Variants in FBXW9 observed in about 807,000 individuals in gnomAD.
FBXW9 encodes F-box/WD repeat-containing protein 9.
A neutral mutation model predicts 55.8 loss-of-function variants in FBXW9; 38 were observed. That is an observed-to-expected ratio of 0.68 (90% CI 0.53 to 0.89). The LOEUF (loss-of-function observed/expected upper bound fraction) is 0.89. FBXW9 is among the 40% of genes least tolerant of loss of function. FBXW9 has a pLI of 0.00. For missense variants in FBXW9, 590 were observed against 619.4 expected (o/e 0.95, Z 0.50); for synonymous variants, 289 against 278.2 (o/e 1.04, Z -0.38).
At chr19:12,692,525 C>CTTT (rs35134914) in intron 3 of FBXW9, among the ~76,000 whole-genome samples, 31 of 128,628 alleles carry the variant, frequency 2.4e-4, no homozygotes, top group African/African-American at 8.1e-4. Context: ...TGCATCCGGT[C>CTTT]TTTTTTTTTT....
In FBXW9 at chr19:12,696,436, C is replaced by T. The variant is rs1233449181; in HGVS notation, c.146G>A (p.Arg49His). 1.9e-6 allele frequency: 3 copies of T among 1,612,048 alleles called. No homozygotes were observed. Among genetic ancestry groups the T allele is most frequent in the Non-Finnish European group, 1.7e-6 (2 of 1,179,830 alleles). The change falls in exon 1 of 10, where the codon CGC becomes CAC. Residue 49 changes from arginine to histidine, a missense_variant. Coordinates refer to ENST00000393261, the MANE Select transcript of FBXW9 (RefSeq NM_032301.3). ...SPPKSGLAFS[R>H]PSQLSTPAAS... Reference sequence around the variant, plus strand: ...GGCGGGTGTGGATAGCTGCGAGGGGCGCGAGAACGCCAGCCCGGATTTTGG... The same window carrying T: ...GGCGGGTGTGGATAGCTGCGAGGGGTGCGAGAACGCCAGCCCGGATTTTGG...
intron 1 of FBXW9, 22 bp from the exon 2 acceptor site, chr19:12,694,960 G>A (rs776852766): frequency 6.2e-6 from 10 of 1,606,688 alleles, no homozygotes; most frequent in South Asian, 1.1e-5. Flanking sequence ...CACGAGTAGG[G>A]TGCCCAGTGG....
Position 12,689,325 on chromosome 19 carries a change from G to A in FBXW9, c.1303-35C>T, listed in dbSNP as rs759584814. ...GGGAGGAACATGAGGAGTCAGGGAC[G>A]ATGGCGCTCTGGCCAGCTGGGCAGG... On this transcript the variant is annotated intron_variant, in intron 9 of 9. Transcript: ENST00000393261. The surrounding 1 kb of genome is among the most constrained non-coding windows in gnomAD (Gnocchi z 5.9). The A allele has an allele frequency of 6.2e-7, 1 of 1,614,180 alleles. No homozygotes were observed. The highest frequency in any genetic ancestry group is 1.7e-5 in the Admixed American group (1 of 60,018).
chr19:12,689,497 G>A lies in FBXW9; in HGVS notation c.1236+44C>T, dbSNP rs776696536. ...GCCCCTGGCTGATGGAGGTAGGGGA[G>A]AGGCAGGGACTGTCCTGGGGTGGGG... On this transcript the variant is annotated intron_variant, in intron 8 of 9. Coordinates refer to ENST00000393261, the MANE Select transcript of FBXW9 (RefSeq NM_032301.3). This position sits in a 1 kb window ranked among gnomAD's most constrained non-coding sequence, Gnocchi z 5.9. 1 of 1,613,022 alleles carries A rather than the reference G, an allele frequency of 6.2e-7. No homozygotes were observed. The highest frequency in any genetic ancestry group is 1.1e-5 in the South Asian group (1 of 91,070).
At chr19:12,693,790 C>T (rs2025043164) in intron 3 of FBXW9, among the ~76,000 whole-genome samples, 1 of 147,920 alleles carries the variant, frequency 6.8e-6, no homozygotes, top group African/African-American at 2.5e-5. Flanking sequence ...ACTTGGGAGG[C>T]TGAGACAGGA....
rs892563041 is a variant in FBXW9 at position 12,691,196 on chromosome 19, C to T, written c.853G>A (p.Asp285Asn). 1.9e-6 allele frequency: 3 copies of T among 1,614,182 alleles called. No homozygotes were observed. The highest frequency in any genetic ancestry group is 2.5e-6 in the Non-Finnish European group (3 of 1,180,024). ...LPDILVTGTY[D>N]KKVTIYDPRA... Reference sequence around the variant, plus strand: ...GGGTCGTAGATGGTCACCTTCTTGTCATAGGTGCCAGTCACCAGGATGTCA... The same window carrying T: ...GGGTCGTAGATGGTCACCTTCTTGTTATAGGTGCCAGTCACCAGGATGTCA... Residue 285 changes from aspartate (D) to asparagine (N), a missense_variant, in exon 5 of 10, where the codon GAC becomes AAC. Coordinates refer to ENST00000393261, the MANE Select transcript of FBXW9 (RefSeq NM_032301.3).
rs766308049 is a variant in FBXW9 at position 12,694,975 on chromosome 19, G to A, written c.410-37C>T. The A allele has an allele frequency of 1.0e-5, 16 of 1,598,890 alleles. No homozygotes were observed. In the African/African-American group the frequency reaches 1.3e-4, roughly 13 times the overall value. ...CACGAGTAGGGTGCCCAGTGGGCAG[G>A]GACCCTAGCACCCATGCCAGCTGGC... On this transcript the variant is annotated intron_variant, in intron 1 of 9. Transcript: ENST00000393261.
Position 12,696,408 on chromosome 19 carries a change from C to A in FBXW9, c.174G>T (p.Ala58=), listed in dbSNP as rs1214585585. The change falls in exon 1 of 10, where the codon GCG becomes GCT. Residue 58 remains alanine (A), a synonymous_variant. Coordinates refer to ENST00000393261, the MANE Select transcript of FBXW9 (RefSeq NM_032301.3). ...SRPSQLSTPA[A]SPSASEPRAA... ...CCCGAGGCTCCGAAGCGCTCGGGGA[C>A]GCGGCGGGTGTGGATAGCTGCGAGG... is the stretch of plus-strand genomic sequence containing the variant. 1 of 1,611,388 alleles carries A rather than the reference C, an allele frequency of 6.2e-7. No individual in the cohort carries two copies. The highest frequency in any genetic ancestry group is 8.5e-7 in the Non-Finnish European group (1 of 1,179,542).
rs776638676 is a variant in FBXW9 at position 12,694,867 on chromosome 19, G to A, written c.481C>T (p.Arg161Cys). 2.3e-5 allele frequency: 37 copies of A among 1,613,960 alleles called. No homozygotes were observed. The African/African-American group carries it at 3.2e-4, about 14-fold the overall frequency. Residue 161 changes from arginine (R) to cysteine (C), a missense_variant, in exon 2 of 10, where the codon CGC (arginine) becomes TGC (cysteine). Transcript: ENST00000393261. ...GCCAGGCAGAAGTATTCGACCCAGCGCCCATCCTCTGCCCAGCGGGACAGG... is the reference window on the plus strand; with the variant it reads ...GCCAGGCAGAAGTATTCGACCCAGCACCCATCCTCTGCCCAGCGGGACAGG... Reference protein sequence around the residue: ...QHLSRWAEDGRWVEYFCLAEG... With the variant: ...QHLSRWAEDGCWVEYFCLAEG...
intron 3 of FBXW9, 140 bp downstream of exon 3, chr19:12,694,454 A>G: frequency 1.2e-6 from 1 of 858,780 alleles, no homozygotes; most frequent in Non-Finnish European, 1.7e-6. Flanking sequence ...AGGCACAGAG[A>G]AGTCACACAT....
At chr19:12,696,091 C>T (rs1940321085) in intron 1 of FBXW9, 82 bp downstream of exon 1, 2 of 1,340,380 alleles carry the variant, frequency 1.5e-6, no homozygotes, top group African/African-American at 3.0e-5. Flanking sequence ...ATCCGGAACA[C>T]CCCATGTACC....
rs1341654304 is a variant in FBXW9, at chr19:12,693,565, C to T, written c.678+1029G>A. On this transcript the variant is annotated intron_variant, in intron 3 of 9. Coordinates refer to ENST00000393261, the MANE Select transcript of FBXW9 (RefSeq NM_032301.3). The stretch of plus-strand genomic sequence containing the variant: ...ATATATATATATATATATATATACA[C>T]ACACACACACACACACACACACACA... Among the ~76,000 whole-genome samples, 149 of 16,246 alleles carry T rather than the reference C, an allele frequency of 9.2e-3. 11 individuals carry two copies. Among genetic ancestry groups the T allele is most frequent in the African/African-American group, 0.039 (98 of 2,526 alleles). The allele number at this position is 16,246 out of a possible 152,430, so 10.7% of individuals were successfully genotyped here.
chr19:12,696,141 G>A, intron 1 of FBXW9, 32 bp downstream of exon 1: 4 of 1,455,948 alleles, frequency 2.7e-6, no homozygotes, highest in African/African-American at 1.4e-5. Flanking sequence ...GGCGCCCCCG[G>A]CCCCCGGTCC....
In FBXW9 at chr19:12,694,582, C is replaced by T; in HGVS notation, c.678+12G>A. ...CAGGCCTCATACCTCCTATCCCCACCTGACTCCTCACCTCATGGGTACTAT... is the reference window on the plus strand; with the variant it reads ...CAGGCCTCATACCTCCTATCCCCACTTGACTCCTCACCTCATGGGTACTAT... On this transcript the variant is annotated intron_variant, in intron 3 of 9. Transcript: ENST00000393261. 1 of 1,612,626 alleles carries T rather than the reference C, an allele frequency of 6.2e-7. No homozygotes were observed. Among genetic ancestry groups the T allele is most frequent in the Non-Finnish European group, 8.5e-7 (1 of 1,178,786 alleles).
rs556993698 is a variant in FBXW9, at chr19:12,689,979, C to T, written c.1015G>A (p.Val339Ile). ...LVVVDRRANS[V>I]LQRLQLDSYL... The stretch of plus-strand genomic sequence containing the variant: ...GGGCCCACCTGCAGACGCTGCAGGA[C>T]GCTGTTGGCTCGGCGGTCCACCACC... The change falls in exon 6 of 10, where the codon GTC becomes ATC. Residue 339 changes from valine to isoleucine, a missense_variant. Val to Ile is a conservative substitution (Grantham distance 29). Coordinates refer to ENST00000393261, the MANE Select transcript of FBXW9 (RefSeq NM_032301.3). The surrounding 1 kb of genome is among the most constrained non-coding windows in gnomAD (Gnocchi z 5.9). 41 of 1,613,870 alleles carry T rather than the reference C, an allele frequency of 2.5e-5. No individual in the cohort carries two copies. The highest frequency in any genetic ancestry group is 2.0e-4 in the East Asian group (9 of 44,864).
chr19:12,691,603 G>C, intron 3 of FBXW9, 149 bp from the exon 4 acceptor site: 1 of 654,540 alleles, frequency 1.5e-6, no homozygotes, highest in Non-Finnish European at 2.7e-6. Context: ...CATGGTGATA[G>C]ATGCTGCAGC....
intron 3 of FBXW9, among the ~76,000 whole-genome samples, chr19:12,693,412 AT>A (rs1291324164): frequency 7.0e-6 from 1 of 142,270 alleles, no homozygotes; most frequent in African/African-American, 2.6e-5. Context: ...TAATCCTAGC[AT>A]TTTGGAAGGC....
intron 3 of FBXW9, among the ~76,000 whole-genome samples, chr19:12,694,355 A>AG (rs2025048467): frequency 6.6e-6 from 1 of 151,624 alleles, no homozygotes. Flanking sequence ...AAAAAAAAAA[A>AG]AGCCTGAGCT....
chr19:12,692,346 G>C (rs1287815047), intron 3 of FBXW9, among the ~76,000 whole-genome samples: 1 of 150,518 alleles, frequency 6.6e-6, no homozygotes, highest in Non-Finnish European at 1.5e-5. Flanking sequence ...TCCTGCCTCA[G>C]CCTCCCTAGT....
Sources: gnomAD v4.1 joint callset for allele counts (sites outside exome capture counted in the v4.1 genomes callset) on GRCh38, gnomAD v4.1.1 for gene constraint, Gnocchi (gnomAD v3.1) non-coding constraint, MANE v1.5 for transcripts, NCBI Gene and HGNC (gene_info 2026-07-23, HGNC 2026-07-21) for gene names.